Variants in STK31 observed in about 807,000 individuals in gnomAD.
STK31 encodes serine/threonine-protein kinase 31.
In STK31, 89 loss-of-function variants were observed where a neutral mutation model predicts 129.7. The observed-to-expected ratio is 0.69, with a 90% CI of 0.58 to 0.82. STK31 has a LOEUF of 0.82. Ranked by LOEUF, STK31 falls within the 40% of genes least tolerant of loss-of-function variation. The pLI is 0.00. For synonymous variants in STK31, 448 were observed against 395.3 expected (o/e 1.13, Z -1.58); for missense variants, 1,187 against 1,176.4 (o/e 1.01, Z -0.13).
Position 23,822,110 on chromosome 7 carries a change from G to C in STK31, c.2829+6898G>C, listed in dbSNP as rs148453553. ...TGTTCTTTTTGCTGATAACTGTTTT[G>C]ACTATTTGTGCTCTTTTTTAGTTCT... On this transcript the variant is annotated intron_variant, in intron 23 of 23. Coordinates refer to ENST00000355870, the MANE Select transcript of STK31 (RefSeq NM_031414.5). Among the ~76,000 whole-genome samples the C allele has an allele frequency of 1.3e-3, 198 of 152,084 alleles. 2 individuals are homozygous for C. Among genetic ancestry groups the C allele is most frequent in the Admixed American group, 2.0e-3 (30 of 15,268 alleles).
chr7:23,751,390 T>C (rs1196670733), intron 8 of STK31, among the ~76,000 whole-genome samples: 1 of 152,232 alleles, frequency 6.6e-6, no homozygotes, highest in East Asian at 1.9e-4. Context: ...ATTTTGTTAC[T>C]GATTTCTAAT....
At chr7:23,740,691 T>G (rs2128084376) in intron 8 of STK31, among the ~76,000 whole-genome samples, 1 of 152,256 alleles carries the variant, frequency 6.6e-6, no homozygotes, top group South Asian at 2.1e-4. Context: ...TTCCCCTTCC[T>G]GTGTCCATGT....
At chr7:23,755,612 C>T (rs911303954) in intron 10 of STK31, among the ~76,000 whole-genome samples, 7 of 152,230 alleles carry the variant, frequency 4.6e-5, no homozygotes, top group East Asian at 1.9e-4. Context: ...GGGTTTTCTT[C>T]TAGGGTTTTT....
chr7:23,739,097 T>G (rs1047201676), intron 8 of STK31, among the ~76,000 whole-genome samples: 1 of 152,226 alleles, frequency 6.6e-6, no homozygotes, highest in Admixed American at 6.5e-5. Flanking sequence ...CCACCAACAG[T>G]GTAGAAGTGT....
chr7:23,773,195 G>C (rs944767713), intron 15 of STK31, among the ~76,000 whole-genome samples: 3 of 151,780 alleles, frequency 2.0e-5, no homozygotes, highest in African/African-American at 4.8e-5. Context: ...TCCTCCCCTA[G>C]ACCCCCACCC....
At chr7:23,786,398 A>T in intron 18 of STK31, 110 bp from the exon 19 acceptor site, 2 of 1,150,570 alleles carry the variant, frequency 1.7e-6, no homozygotes, top group Middle Eastern at 2.9e-4. Flanking sequence ...AAAAAATAAA[A>T]TTAGATTTGA....
chr7:23,803,573 A>G (rs1177050302), intron 22 of STK31, among the ~76,000 whole-genome samples: 2 of 152,208 alleles, frequency 1.3e-5, no homozygotes, highest in Non-Finnish European at 2.9e-5. Flanking sequence ...TCAGTAATAA[A>G]CCATATCTTT....
At chr7:23,730,499 C>G (rs868458380) in intron 6 of STK31, among the ~76,000 whole-genome samples, 1 of 151,980 alleles carries the variant, frequency 6.6e-6, no homozygotes, top group Admixed American at 6.5e-5. Context: ...AATGCTTTGA[C>G]CAAGGTTGGG....
intron 11 of STK31, among the ~76,000 whole-genome samples, chr7:23,767,235 T>G (rs780985482): frequency 6.6e-6 from 1 of 152,198 alleles, no homozygotes; most frequent in Non-Finnish European, 1.5e-5. Flanking sequence ...TCTTTCAGAG[T>G]GCTTGTGCTG....
At chr7:23,763,203 G>A (rs1789579376) in intron 11 of STK31, among the ~76,000 whole-genome samples, 2 of 152,082 alleles carry the variant, frequency 1.3e-5, no homozygotes, top group Non-Finnish European at 2.9e-5. Flanking sequence ...CAGGTATGTG[G>A]GTCCCTATCG....
At chr7:23,749,743 G>A (rs746344066) in intron 8 of STK31, among the ~76,000 whole-genome samples, 25 of 152,066 alleles carry the variant, frequency 1.6e-4, no homozygotes, top group Non-Finnish European at 3.1e-4. Flanking sequence ...TAAGATGTAC[G>A]CGGGAGTGAT....
At position 23,781,478 on chromosome 7, in the gene STK31, C is replaced by T. The variant is rs1354662903; in HGVS notation, c.2025C>T (p.Arg675=). ...TAAAAGAAGAAATAACTCAGCTGCG[C>T]AATAATGTCTTTCAGGAAATTTATC... ...EKIKEEITQL[R]NNVFQEIYHE... Residue 675 remains arginine, a synonymous_variant, in exon 16 of 24, where the codon CGC becomes CGT. Coordinates refer to ENST00000355870, the MANE Select transcript of STK31 (RefSeq NM_031414.5). 4.3e-6 allele frequency: 7 copies of T among 1,611,202 alleles called. No individual in the cohort carries two copies. The highest frequency in any genetic ancestry group is 2.2e-5 in the East Asian group (1 of 44,636).
At chr7:23,801,941 A>T (rs935978840) in intron 22 of STK31, among the ~76,000 whole-genome samples, 2 of 152,164 alleles carry the variant, frequency 1.3e-5, no homozygotes, top group African/African-American at 4.8e-5. Flanking sequence ...CTGTATCTTT[A>T]TAGTATGTCT....
At position 23,768,383 on chromosome 7, in the gene STK31, C is replaced by T. The variant is rs544086284; in HGVS notation, c.1417-612C>T. On this transcript the variant is annotated intron_variant, in intron 11 of 23. Transcript: ENST00000355870. ...CACGATGCATTTCTTAGAAGATATCCGTGTTGTTAAGTGATGCATGATTGT... is the reference window on the plus strand; with the variant it reads ...CACGATGCATTTCTTAGAAGATATCTGTGTTGTTAAGTGATGCATGATTGT... Among the ~76,000 whole-genome samples the T allele has an allele frequency of 4.6e-5, 7 of 152,142 alleles. No individual in the cohort carries two copies. The East Asian group carries it at 5.8e-4, about 13-fold the overall frequency.
In STK31 at chr7:23,755,566, T is replaced by G. The variant is rs117992361; in HGVS notation, c.1293+1092T>G. ...TGCTTTTGTTGTTTTTGTCAAGAAGTCTTTGCCCATGCCTATGTCCTGAAC... is the reference window on the plus strand; with the variant it reads ...TGCTTTTGTTGTTTTTGTCAAGAAGGCTTTGCCCATGCCTATGTCCTGAAC... On this transcript the variant is annotated intron_variant, in intron 10 of 23. Transcript: ENST00000355870. 2.8e-3 allele frequency among the ~76,000 whole-genome samples: 424 copies of G among 152,354 alleles called. 11 individuals are homozygous for G. In the East Asian group the frequency reaches 0.07, roughly 25 times the overall value.
At chr7:23,830,507 A>G (rs1328062043) in intron 23 of STK31, among the ~76,000 whole-genome samples, 1 of 151,670 alleles carries the variant, frequency 6.6e-6, no homozygotes, top group East Asian at 1.9e-4. Flanking sequence ...TGAACCAGTG[A>G]TTGCTCGAAG....
intron 4 of STK31, among the ~76,000 whole-genome samples, chr7:23,724,177 A>G (rs1297080568): frequency 1.3e-5 from 2 of 152,268 alleles, no homozygotes; most frequent in African/African-American, 4.8e-5. Context: ...TATGCCGGAC[A>G]GGAACTCAAG....
chr7:23,791,039 G>T, intron 22 of STK31, 93 bp downstream of exon 22: 2 of 1,141,694 alleles, frequency 1.8e-6, no homozygotes, highest in Non-Finnish European at 1.1e-6. Context: ...AAAATAAAAA[G>T]CAGCAGACTT....
intron 15 of STK31, among the ~76,000 whole-genome samples, chr7:23,777,443 C>G (rs1326861903): frequency 2.6e-5 from 4 of 152,036 alleles, no homozygotes; most frequent in African/African-American, 7.2e-5. Context: ...AAGTCTCCCA[C>G]TATTATTGTG....
Sources: allele counts gnomAD v4.1 joint callset (sites outside exome capture counted in the v4.1 genomes callset), GRCh38; gene constraint gnomAD v4.1.1; transcripts MANE v1.5; gene names NCBI Gene and HGNC (gene_info 2026-07-23, HGNC 2026-07-21).